BCCIP: variants seen among roughly 807,000 people sequenced by gnomAD.
The protein encoded by BCCIP is BRCA2 and CDKN1A interacting protein.
BCCIP carries 23 observed loss-of-function variants against 32.8 expected under a neutral mutation model. The ratio of observed to expected loss-of-function variants is 0.70; its 90% CI spans 0.51 to 0.99. The LOEUF is 0.99. Among genes scored for constraint, BCCIP ranks in the 50% least tolerant of loss-of-function variants. The pLI, the probability that BCCIP is intolerant of heterozygous loss-of-function variation, is 0.00. For synonymous variants in BCCIP, 144 were observed against 137.6 expected (o/e 1.05, Z -0.33); for missense variants, 378 against 379.8 (o/e 1.00, Z 0.04).
chr10:125,841,782 A>G, exon 7 of BCCIP: 1 of 1,612,966 alleles, frequency 6.2e-7, no homozygotes, highest in Non-Finnish European at 8.5e-7. Context: ...TCATCTACAC[A>G]GTCAAATTCA....
chr10:125,852,214 T>C (rs969825965), intron 7 of BCCIP: 4 of 1,541,942 alleles, frequency 2.6e-6, no homozygotes, highest in Non-Finnish European at 3.5e-6. Flanking sequence ...CTGCGCATCA[T>C]GTGAACTCAG....
chr10:125,838,285 G>T, downstream of BCCIP: 1 of 1,613,800 alleles, frequency 6.2e-7, no homozygotes, highest in Non-Finnish European at 8.5e-7. Flanking sequence ...ACCCACTCTG[G>T]CATCTTCTTG....
chr10:125,835,004 G>A lies in BCCIP; in HGVS notation c.774+1058G>A, dbSNP rs190825849. Among the ~76,000 whole-genome samples, 393 of 149,136 alleles carry A rather than the reference G, an allele frequency of 2.6e-3. 1 individual carries two copies. Among genetic ancestry groups the A allele is most frequent in the African/African-American group, 9.1e-3 (367 of 40,456 alleles). On this transcript the variant is annotated intron_variant, in intron 6 of 6. Transcript: ENST00000278100. Reference sequence around the variant, plus strand: ...AAAAATTAGCCGGGCGTGGTGGCACGTGCCTGTAGTCCCAGCTACTCGGGA... The same window carrying A: ...AAAAATTAGCCGGGCGTGGTGGCACATGCCTGTAGTCCCAGCTACTCGGGA...
exon 8 of BCCIP, chr10:125,853,437 TAAA>T (rs892961069): frequency 8.6e-5 from 27 of 315,746 alleles, no homozygotes; most frequent in African/African-American, 5.1e-4. Context: ...TTAAAAGTAA[TAAA>T]GAATATTTTG....
intron 1 of BCCIP, chr10:125,826,367 T>C (rs1473670227): frequency 1.7e-6 from 1 of 602,808 alleles, no homozygotes; most frequent in Non-Finnish European, 2.6e-6. Flanking sequence ...AAATAATTTA[T>C]CCTTTGTGGC....
At chr10:125,852,080 C>T (rs972539295) in intron 7 of BCCIP, among the ~76,000 whole-genome samples, 6 of 152,188 alleles carry the variant, frequency 3.9e-5, no homozygotes, top group Admixed American at 6.5e-5. Flanking sequence ...ACACATTTCT[C>T]GTGTCAGAAC....
chr10:125,846,057 T>A (rs1944013932), downstream of BCCIP, among the ~76,000 whole-genome samples: 1 of 152,312 alleles, frequency 6.6e-6, no homozygotes, highest in East Asian at 1.9e-4. Flanking sequence ...CGTGACTGCC[T>A]TTGCTCATGT....
downstream of BCCIP, chr10:125,840,938 C>G: frequency 6.2e-7 from 1 of 1,612,486 alleles, no homozygotes; most frequent in East Asian, 2.2e-5. Flanking sequence ...AAAATGTCTT[C>G]CAACAAGTCA....
At chr10:125,853,301 C>A in exon 8 of BCCIP, 1 of 976,384 alleles carries the variant, frequency 1.0e-6, no homozygotes, top group Non-Finnish European at 1.5e-6. Flanking sequence ...CATCTCGGCA[C>A]CTAGTAATGG....
downstream of BCCIP, among the ~76,000 whole-genome samples, chr10:125,838,589 AACTT>A (rs1389412269): frequency 3.3e-5 from 5 of 152,220 alleles, no homozygotes; most frequent in African/African-American, 1.2e-4. Context: ...GATGTTAACT[AACTT>A]CAGCAACAGC....
intron 6 of BCCIP, 97 bp downstream of exon 6, chr10:125,834,043 T>G: frequency 7.4e-7 from 1 of 1,350,218 alleles, no homozygotes; most frequent in South Asian, 1.3e-5. Context: ...GTCCAAGTCT[T>G]TCAAGTGTGG....
In BCCIP at chr10:125,841,849, G is replaced by C. The variant is rs774523614; in HGVS notation, c.*490G>C. ...GATCAAGAGGAAACTCTGACATGATGATTCCAAATTCAGAAAGATTTCCAT... is the reference window on the plus strand; with the variant it reads ...GATCAAGAGGAAACTCTGACATGATCATTCCAAATTCAGAAAGATTTCCAT... On this transcript the variant is annotated 3_prime_UTR_variant, in exon 7 of 7. Coordinates refer to the BCCIP transcript ENST00000299130. 6.2e-7 allele frequency: 1 copy of C among 1,613,716 alleles called. No homozygotes were observed. The highest frequency in any genetic ancestry group is 1.6e-4 in the Middle Eastern group (1 of 6,062).
In BCCIP at chr10:125,836,454, ATGAG is replaced by A; in HGVS notation, c.*183_*186del. Reference sequence around the variant, plus strand: ...AGTTTTTTAAAATTTTGGTCAAATTATGAGTGGTTGATTTAAAAACTTTTCCAAG... The same window carrying A: ...AGTTTTTTAAAATTTTGGTCAAATTATGGTTGATTTAAAAACTTTTCCAAG... On this transcript the variant is annotated 3_prime_UTR_variant, in exon 7 of 7. Transcript: ENST00000278100. 1 of 1,417,962 alleles carries A rather than the reference ATGAG, an allele frequency of 7.1e-7. No homozygotes were observed. The allele number at this position is 1,417,962 out of a possible 1,614,324, so 87.8% of individuals were successfully genotyped here.
downstream of BCCIP, among the ~76,000 whole-genome samples, chr10:125,840,322 C>T (rs2134024907): frequency 6.6e-6 from 1 of 152,356 alleles, no homozygotes; most frequent in Middle Eastern, 3.4e-3. Context: ...ATGCGCCATT[C>T]TCTTCTCTGG....
intron 7 of BCCIP, among the ~76,000 whole-genome samples, chr10:125,851,821 T>G (rs966383688): frequency 1.0e-4 from 15 of 150,024 alleles, no homozygotes; most frequent in Middle Eastern, 3.4e-3. Context: ...TTTGGGAAGC[T>G]GTGGTGGGAG....
rs904765564 is a variant in BCCIP at position 125,836,547 on chromosome 10, A to G, written c.*273A>G. The G allele has an allele frequency of 4.5e-6, 6 of 1,330,864 alleles. No homozygotes were observed. Among genetic ancestry groups the G allele is most frequent in the Non-Finnish European group, 5.9e-6 (6 of 1,013,764 alleles). 82.4% of individuals were successfully genotyped at this position (1,330,864 alleles called of 1,614,324 possible). On this transcript the variant is annotated 3_prime_UTR_variant, in exon 7 of 7. Coordinates refer to ENST00000278100, the MANE Select transcript of BCCIP (RefSeq NM_078468.3). ...TAAAAACTTCTATTTTTTATTTTAAAATAATATACACAGTGTTATTTTCTT... is the reference window on the plus strand; with the variant it reads ...TAAAAACTTCTATTTTTTATTTTAAGATAATATACACAGTGTTATTTTCTT...
At chr10:125,831,042 C>T (rs1369668367) in intron 4 of BCCIP, among the ~76,000 whole-genome samples, 1 of 152,194 alleles carries the variant, frequency 6.6e-6, no homozygotes, top group Non-Finnish European at 1.5e-5. Flanking sequence ...TTTATTGATT[C>T]TCTGATGAGT....
chr10:125,840,565 C>T (rs1854849265), downstream of BCCIP, among the ~76,000 whole-genome samples: 1 of 152,236 alleles, frequency 6.6e-6, no homozygotes, highest in Non-Finnish European at 1.5e-5. Flanking sequence ...CCCCCGTCAC[C>T]ATGCCCCAAG....
At chr10:125,838,011 A>G (rs137962051), downstream of BCCIP, among the ~76,000 whole-genome samples, 35 of 152,262 alleles carry the variant, frequency 2.3e-4, no homozygotes, top group East Asian at 9.7e-4. Flanking sequence ...TGTCTTTTCT[A>G]TGCTGTAATC....
Sources: gnomAD v4.1 joint callset for allele counts (sites outside exome capture counted in the v4.1 genomes callset) on GRCh38, gnomAD v4.1.1 for gene constraint, MANE v1.5 for transcripts, NCBI Gene and HGNC (gene_info 2026-07-23, HGNC 2026-07-21) for gene names.